MYO18A: variants seen among roughly 807,000 people sequenced by gnomAD.
The protein encoded by MYO18A is unconventional myosin-XVIIIa.
In MYO18A, 78 loss-of-function variants were observed where a neutral mutation model predicts 235.8. The observed-to-expected ratio is 0.33, with a 90% CI of 0.28 to 0.40. The LOEUF (loss-of-function observed/expected upper bound fraction) is 0.40. Ranked by LOEUF, MYO18A falls within the 10% of genes least tolerant of loss-of-function variation. The probability of loss-of-function intolerance (pLI) is 1.00; values close to 1 mark genes in which losing one functional copy is unlikely to be tolerated. For missense variants in MYO18A, 2,215 were observed against 2,699.3 expected (o/e 0.82, Z 3.98); for synonymous variants, 977 against 1,077.8 (o/e 0.91, Z 1.83).
intron 2 of MYO18A, among the ~76,000 whole-genome samples, chr17:29,144,935 G>A (rs8067041): frequency 0.44 from 67,350 of 152,012 alleles, 16,688 homozygotes; most frequent in African/African-American, 0.68. Context: ...ATGCCATTTG[G>A]TATAATATAG....
At chr17:29,089,241 GCCAA>G (rs2066334303) in intron 37 of MYO18A, among the ~76,000 whole-genome samples, 1 of 151,046 alleles carries the variant, frequency 6.6e-6, no homozygotes, top group African/African-American at 2.4e-5. Context: ...GACCATCCTG[GCCAA>G]CATGGTGAAA....
rs200229031 is a variant in MYO18A, at chr17:29,093,964, T to C, written c.4821+16A>G. 3.9e-6 allele frequency: 6 copies of C among 1,556,558 alleles called. No homozygotes were observed. The East Asian group carries it at 1.4e-4, about 36-fold the overall frequency. ...CAGGTGTTTACGCTGGACAGGTAAGTACTCAGATACCTTACCTTCTTCTGA... is the reference window on the plus strand; with the variant it reads ...CAGGTGTTTACGCTGGACAGGTAAGCACTCAGATACCTTACCTTCTTCTGA... On this transcript the variant is annotated intron_variant, in intron 31 of 41. Coordinates refer to ENST00000527372, the MANE Select transcript of MYO18A (RefSeq NM_078471.4).
At chr17:29,083,522 G>GCACACA (rs1555622320) in intron 40 of MYO18A, among the ~76,000 whole-genome samples, 9,392 of 124,880 alleles carry the variant, frequency 0.075, 818 homozygotes, top group East Asian at 0.19. Context: ...AGGCATGTGT[G>GCACACA]CGCGCGCGCG....
Position 29,094,709 on chromosome 17 carries a change from C to T in MYO18A, c.4651G>A (p.Val1551Ile), listed in dbSNP as rs1205393080. ...TCCAGCTCTTCTTCCTGATCCTTGACTTTGGCCTCCAGGTCCCGGAGCTGT... is the reference window on the plus strand; with the variant it reads ...TCCAGCTCTTCTTCCTGATCCTTGATTTTGGCCTCCAGGTCCCGGAGCTGT... ...KKQLRDLEAK[V>I]KDQEEELDEQ... The change falls in exon 30 of 42, where the codon GTC (valine) becomes ATC (isoleucine). Residue 1551 changes from valine (V) to isoleucine (I), a missense_variant. Coordinates refer to ENST00000527372, the MANE Select transcript of MYO18A (RefSeq NM_078471.4). 3 of 1,614,058 alleles carry T rather than the reference C, an allele frequency of 1.9e-6. No individual in the cohort carries two copies. The highest frequency in any genetic ancestry group is 2.5e-6 in the Non-Finnish European group (3 of 1,179,898).
intron 41 of MYO18A, among the ~76,000 whole-genome samples, chr17:29,079,172 T>A (rs2066056315): frequency 6.6e-6 from 1 of 152,210 alleles, no homozygotes; most frequent in Non-Finnish European, 1.5e-5. Context: ...GGCCCCAGCC[T>A]GTTGGGGCCA....
chr17:29,148,876 G>C (rs1052353369), intron 2 of MYO18A, among the ~76,000 whole-genome samples: 1 of 152,208 alleles, frequency 6.6e-6, no homozygotes, highest in Admixed American at 6.5e-5. Context: ...GTCAGGCTCT[G>C]TGAGGGCCGA....
chr17:29,086,772 T>C, intron 38 of MYO18A, 164 bp downstream of exon 38: 2 of 1,122,366 alleles, frequency 1.8e-6, no homozygotes, highest in Non-Finnish European at 1.2e-6. Flanking sequence ...CCAGTGCCGC[T>C]AGCTTCCTGG....
intron 18 of MYO18A, 40 bp from the exon 19 acceptor site, chr17:29,110,141 G>T: frequency 6.3e-7 from 1 of 1,594,626 alleles, no homozygotes. Flanking sequence ...GGCTCTGATG[G>T]CCTGTGCTCA....
Position 29,074,711 on chromosome 17 carries a change from A to G in MYO18A, c.*59T>C. Reference sequence around the variant, plus strand: ...GACCGGTGCCCCACCACTTCCTGGGAGAGGTGCCCAGGCAGCCACAGGCCC... The same window carrying G: ...GACCGGTGCCCCACCACTTCCTGGGGGAGGTGCCCAGGCAGCCACAGGCCC... On this transcript the variant is annotated 3_prime_UTR_variant, in exon 42 of 42. Transcript: ENST00000527372. The surrounding 1 kb of genome is among the most constrained non-coding windows in gnomAD (Gnocchi z 4.4). 6.3e-7 allele frequency: 1 copy of G among 1,580,898 alleles called. No individual in the cohort carries two copies. The highest frequency in any genetic ancestry group is 1.3e-5 in the African/African-American group (1 of 74,432).
At chr17:29,080,526 G>A (rs2066093442) in intron 41 of MYO18A, 6 of 986,098 alleles carry the variant, frequency 6.1e-6, no homozygotes, top group Non-Finnish European at 7.2e-6. Context: ...CCCGGCTCAG[G>A]GAAGGGCTGA....
Position 29,125,840 on chromosome 17 carries a change from C to T in MYO18A, c.1000-3587G>A. 2.1e-5 allele frequency: 20 copies of T among 943,158 alleles called. No individual in the cohort carries two copies. The highest frequency in any genetic ancestry group is 2.4e-5 in the Non-Finnish European group (19 of 790,684). The allele number at this position is 943,158 out of a possible 1,614,324, so 58.4% of individuals were successfully genotyped here. A position where few individuals can be genotyped will look rare whatever the true frequency, so the allele number is the denominator to read the frequency against. On this transcript the variant is annotated intron_variant, in intron 2 of 41. Coordinates refer to ENST00000527372, the MANE Select transcript of MYO18A (RefSeq NM_078471.4). The surrounding 1 kb of genome is among the most constrained non-coding windows in gnomAD (Gnocchi z 5.1). The stretch of plus-strand genomic sequence containing the variant: ...GACACACACAGGGTCCTGCCGCCAG[C>T]CTCAGGAAGAGGGCGGCCAGGGACT...
rs752436836 is a variant in MYO18A, at chr17:29,098,196, T to C, written c.3899A>G (p.Asp1300Gly). ...GGCGGACTCTCCTGTGTTACGCTCA[T>C]CTGTCAGCTCCGATGTCAGCTCTGA... ...RISELTSELT[D>G]ERNTGESASQ... Residue 1300 changes from aspartate to glycine, a missense_variant, in exon 25 of 42, where the codon GAT becomes GGT. Asp to Gly is a moderately conservative substitution (Grantham distance 94). Transcript: ENST00000527372. 6 of 1,613,858 alleles carry C rather than the reference T, an allele frequency of 3.7e-6. No individual in the cohort carries two copies. The highest frequency in any genetic ancestry group is 5.1e-6 in the Non-Finnish European group (6 of 1,179,880).
chr17:29,128,381 T>C (rs2067377222), intron 2 of MYO18A: 1 of 1,288,448 alleles, frequency 7.8e-7, no homozygotes, highest in Non-Finnish European at 1.0e-6. Flanking sequence ...GGACAGGCCC[T>C]GGGCCTCTTC....
chr17:29,085,486 G>C (rs1598273955), intron 40 of MYO18A, 118 bp downstream of exon 40: 1 of 843,766 alleles, frequency 1.2e-6, no homozygotes, highest in East Asian at 2.6e-5. Flanking sequence ...AGTGAGGCGG[G>C]AGTGTGGGGA....
chr17:29,090,885 C>T lies in MYO18A; in HGVS notation c.5229G>A (p.Glu1743=), dbSNP rs2066381694. The change falls in exon 35 of 42, where the codon GAG becomes GAA. Residue 1743 remains glutamate (E), a synonymous_variant. Coordinates refer to ENST00000527372, the MANE Select transcript of MYO18A (RefSeq NM_078471.4). ...GATCTTCCTCCAGCCGGTTCTGGATCTCATTCTTCTCACGCTGAAGGCGGC... is the reference window on the plus strand; with the variant it reads ...GATCTTCCTCCAGCCGGTTCTGGATTTCATTCTTCTCACGCTGAAGGCGGC... ...QLSRLQREKN[E]IQNRLEEDQE... 4 of 1,614,070 alleles carry T rather than the reference C, an allele frequency of 2.5e-6. No individual in the cohort carries two copies. The East Asian group carries it at 8.9e-5, about 36-fold the overall frequency.
At position 29,073,037 on chromosome 17, in the gene MYO18A, T is replaced by A. The variant is rs1485781035; in HGVS notation, c.*1733A>T. On this transcript the variant is annotated 3_prime_UTR_variant, in exon 42 of 42. Transcript: ENST00000527372. ...TTTGAAATGGCTAAAATTAAGCTTT[T>A]AAAAAATGTTCTAATGAGAAGGGCT... 1 of 151,716 alleles carries A rather than the reference T, an allele frequency of 6.6e-6. No homozygotes were observed. The highest frequency in any genetic ancestry group is 1.5e-5 in the Non-Finnish European group (1 of 67,984). The allele number at this position is 151,716 out of a possible 1,614,324, so 9.4% of individuals were successfully genotyped here.
chr17:29,112,006 A>C, intron 15 of MYO18A, 143 bp from the exon 16 acceptor site: 1 of 1,081,742 alleles, frequency 9.2e-7, no homozygotes, highest in Non-Finnish European at 1.3e-6. Context: ...CCTGCCGCTC[A>C]CTGCTGACAC....
chr17:29,097,186 C>T, intron 27 of MYO18A, 37 bp downstream of exon 27: 1 of 1,600,564 alleles, frequency 6.2e-7, no homozygotes, highest in East Asian at 2.2e-5. Flanking sequence ...TCTCCTGGCC[C>T]TCCCAGGCAC....
chr17:29,098,503 T>C (rs1248664868), intron 23 of MYO18A, 58 bp from the exon 24 acceptor site: 9 of 1,587,890 alleles, frequency 5.7e-6, no homozygotes, highest in Middle Eastern at 1.8e-4. Flanking sequence ...ATTGGGGCCC[T>C]GGGTCTGCAC....
Sources: gnomAD v4.1 joint callset for allele counts (sites outside exome capture counted in the v4.1 genomes callset) on GRCh38, gnomAD v4.1.1 for gene constraint, Gnocchi (gnomAD v3.1) non-coding constraint, MANE v1.5 for transcripts, NCBI Gene and HGNC (gene_info 2026-07-23, HGNC 2026-07-21) for gene names.